The following ATP11C variants were observed in gnomAD, a reference collection of about 807,000 sequenced individuals.
The protein encoded by ATP11C is phospholipid-transporting ATPase IG.
Under a neutral mutation model 97.4 loss-of-function variants are expected in ATP11C, and 36 were observed. That is an observed-to-expected ratio of 0.37 (90% confidence interval 0.28 to 0.49). The LOEUF (loss-of-function observed/expected upper bound fraction) is 0.49. Ranked by LOEUF, ATP11C falls within the 20% of genes least tolerant of loss-of-function variation. The probability of loss-of-function intolerance (pLI) is 0.98; values close to 1 mark genes in which losing one functional copy is unlikely to be tolerated. For synonymous variants in ATP11C, 275 were observed against 290.9 expected, an observed-to-expected ratio of 0.95 and a Z score of 0.56; for missense variants, 730 against 824.6, an observed-to-expected ratio of 0.89 and a Z score of 1.40.
intron 22 of ATP11C, 86 bp from the exon 23 acceptor site, chrX:139,757,953 T>C: frequency 1.7e-6 from 1 of 578,637 alleles, no homozygotes; most frequent in South Asian, 3.8e-5. Flanking sequence ...TCCAAATAGT[T>C]TATAATTATT....
intron 12 of ATP11C, 131 bp from the exon 13 acceptor site, chrX:139,789,619 A>C: frequency 4.5e-6 from 2 of 448,899 alleles, no homozygotes; most frequent in Non-Finnish European, 7.2e-6. Flanking sequence ...AATGTCAGGG[A>C]ATTACAGAGA....
intron 22 of ATP11C, among the ~76,000 whole-genome samples, chrX:139,761,690 TG>T (rs2082041588): frequency 1.8e-5 from 2 of 111,349 alleles, no homozygotes; most frequent in African/African-American, 6.5e-5. Context: ...GCAAAACTCA[TG>T]GAACTGTACA....
intron 5 of ATP11C, 105 bp downstream of exon 5, chrX:139,814,773 A>G (rs1024750043): frequency 3.6e-5 from 16 of 446,437 alleles, no homozygotes; most frequent in Non-Finnish European, 5.8e-5. Flanking sequence ...AACTAGATAG[A>G]GTTAACGGTT....
intron 1 of ATP11C, among the ~76,000 whole-genome samples, chrX:139,829,840 T>A (rs1376091474): frequency 9.0e-6 from 1 of 111,568 alleles, no homozygotes; most frequent in Admixed American, 9.5e-5. Context: ...TAGTATAAAC[T>A]GAATGCTGTA....
At chrX:139,786,140 G>C (rs747276807) in intron 15 of ATP11C, among the ~76,000 whole-genome samples, 1 of 111,967 alleles carries the variant, frequency 8.9e-6, no homozygotes, top group African/African-American at 3.2e-5. Flanking sequence ...ATGACATGAT[G>C]AGACTGGTCA....
chrX:139,774,874 T>C lies in ATP11C; in HGVS notation c.2032A>G (p.Met678Val), dbSNP rs954915836. ...LKVWVLTGDKMETAKSTCYAC... is the reference protein window; with the variant it reads ...LKVWVLTGDKVETAKSTCYAC... ...TAGCATGTGGATTTAGCTGTCTCCA[T>C]CTTGTCCCCAGTGAGCACCCAGACT... is the stretch of plus-strand genomic sequence containing the variant. The change falls in exon 19 of 30, where the codon ATG (methionine) becomes GTG (valine). Residue 678 changes from methionine (M) to valine (V), a missense_variant. Transcript: ENST00000682941. The C allele has an allele frequency of 9.1e-6, 11 of 1,210,134 alleles. No homozygotes were observed. Among genetic ancestry groups the C allele is most frequent in the African/African-American group, 1.7e-5 (1 of 57,149 alleles).
Position 139,828,610 on chromosome X carries a change from CTTTAA to C in ATP11C, c.28-1792_28-1788del, listed in dbSNP as rs753467052. ...CCACGTATACATTGCAATTTGCAAC[CTTTAA>C]TTTAATATTCATATGGCTGTTTAGT... On this transcript the variant is annotated intron_variant, in intron 1 of 29. Transcript: ENST00000682941. Among the ~76,000 whole-genome samples the C allele has an allele frequency of 1.2e-3, 129 of 111,682 alleles. 1 individual carries two copies. Among genetic ancestry groups the C allele is most frequent in the African/African-American group, 2.1e-3 (64 of 30,790 alleles).
intron 1 of ATP11C, among the ~76,000 whole-genome samples, chrX:139,870,201 T>C (rs2084351403): frequency 2.7e-5 from 3 of 112,047 alleles, no homozygotes; most frequent in African/African-American, 9.7e-5. Flanking sequence ...TGTGCAGTTT[T>C]ATCAATTATA....
intron 1 of ATP11C, among the ~76,000 whole-genome samples, chrX:139,910,394 C>G: frequency 9.0e-6 from 1 of 110,602 alleles, no homozygotes; most frequent in East Asian, 2.8e-4. Flanking sequence ...ATCACGAGGT[C>G]AGGAGATCAA....
Position 139,911,169 on chromosome X carries a change from C to CA in ATP11C, c.27+20846dup, listed in dbSNP as rs963457228. Among the ~76,000 whole-genome samples the CA allele has an allele frequency of 8.0e-4, 83 of 103,645 alleles. No individual in the cohort carries two copies. The Middle Eastern group carries it at 0.015, about 19-fold the overall frequency. 90.0% of individuals were successfully genotyped at this position (103,645 alleles called of 115,157 possible). On this transcript the variant is annotated intron_variant, in intron 1 of 29. Coordinates refer to ENST00000682941, the MANE Select transcript of ATP11C (RefSeq NM_001353812.2). ...TAAGAACTTGTTTATCAAAAGGTAC[C>CA]AAAAAAAAAATAGTAAAAGCAGAAG...
At chrX:139,799,469 G>C (rs1178671309) in intron 8 of ATP11C, among the ~76,000 whole-genome samples, 2 of 109,479 alleles carry the variant, frequency 1.8e-5, no homozygotes, top group African/African-American at 6.7e-5. Context: ...TCACAACCGA[G>C]GATAATAAAT....
intron 1 of ATP11C, among the ~76,000 whole-genome samples, chrX:139,869,373 G>A (rs955464790): frequency 5.4e-5 from 6 of 111,189 alleles, no homozygotes; most frequent in Non-Finnish European, 1.1e-4. Flanking sequence ...TAACATAAAG[G>A]TGCTTTAAAT....
intron 1 of ATP11C, among the ~76,000 whole-genome samples, chrX:139,867,737 G>A (rs2084308904): frequency 8.9e-6 from 1 of 112,082 alleles, no homozygotes. Context: ...ATGCGCAAAG[G>A]CCCAAGGGCA....
At chrX:139,873,223 T>C (rs1569483774) in intron 1 of ATP11C, among the ~76,000 whole-genome samples, 1 of 112,351 alleles carries the variant, frequency 8.9e-6, no homozygotes, top group East Asian at 2.8e-4. Context: ...CAAAAATTGA[T>C]TGGCTTTGTC....
intron 1 of ATP11C, among the ~76,000 whole-genome samples, chrX:139,852,485 T>G (rs2084012935): frequency 1.8e-5 from 1 of 54,931 alleles, no homozygotes; most frequent in Non-Finnish European, 3.4e-5. Context: ...GGGGGGGAAC[T>G]GGCCAGCGAC....
rs1216371143 is a variant in ATP11C, at chrX:139,731,740, T to C, written c.3304A>G (p.Arg1102Gly). The change falls in exon 29 of 30, where the codon AGA becomes GGA. Residue 1102 changes from arginine (R) to glycine (G), a missense_variant. Arg to Gly is a moderately radical substitution (Grantham distance 125). Transcript: ENST00000682941. ...GCGGATAATGAGTCAGATGCCCTTC[T>C]ACAGCTCAGATTTCTCTGTAATAGT... ...RRSARRNLSCRRASDSLSARP... is the reference protein window; with the variant it reads ...RRSARRNLSCGRASDSLSARP... 1.7e-6 allele frequency: 2 copies of C among 1,182,875 alleles called. No individual in the cohort carries two copies. Among genetic ancestry groups the C allele is most frequent in the African/African-American group, 3.5e-5 (2 of 56,507 alleles).
chrX:139,763,794 AC>A (rs1411032551), intron 20 of ATP11C, among the ~76,000 whole-genome samples: 2 of 111,860 alleles, frequency 1.8e-5, no homozygotes, highest in African/African-American at 6.5e-5. Context: ...TGGATGCAGG[AC>A]CCATGGATAC....
intron 1 of ATP11C, among the ~76,000 whole-genome samples, chrX:139,867,523 C>A (rs1156470365): frequency 4.5e-5 from 5 of 111,888 alleles, no homozygotes; most frequent in Non-Finnish European, 3.8e-5. Context: ...AGAAGACAGG[C>A]ACCCAAATAG....
In ATP11C at chrX:139,743,542, A is replaced by T; in HGVS notation, c.3030+17T>A. The stretch of plus-strand genomic sequence containing the variant: ...AAAAACAGTATTAAAAAATACATGA[A>T]TAAGTAAAAATCTAACCTTCAGGGT... On this transcript the variant is annotated intron_variant, in intron 26 of 29. Transcript: ENST00000682941. 1 of 1,063,997 alleles carries T rather than the reference A, an allele frequency of 9.4e-7. No individual in the cohort carries two copies. The highest frequency in any genetic ancestry group is 1.3e-6 in the Non-Finnish European group (1 of 780,670). The allele number at this position is 1,063,997 out of a possible 1,213,427, so 87.7% of individuals were successfully genotyped here.
Sources: gnomAD v4.1 joint callset for allele counts (sites outside exome capture counted in the v4.1 genomes callset) on GRCh38, gnomAD v4.1.1 for gene constraint, MANE v1.5 for transcripts, NCBI Gene and HGNC (gene_info 2026-07-23, HGNC 2026-07-21) for gene names.